The following TMIGD3 variants were observed in gnomAD, a reference collection of about 807,000 sequenced individuals.
TMIGD3 encodes transmembrane and immunoglobulin domain containing 3.
In TMIGD3, 21 loss-of-function variants were observed where a neutral mutation model predicts 28.1. That is an observed-to-expected ratio of 0.75 (90% CI 0.53 to 1.08). TMIGD3 has a LOEUF of 1.08. TMIGD3 is among the 50% of genes least tolerant of loss of function. TMIGD3 has a pLI of 0.00. For missense variants in TMIGD3, 416 were observed against 435.6 expected (o/e 0.96, Z 0.40); for synonymous variants, 151 against 162.1 (o/e 0.93, Z 0.52).
rs1386496033 is a variant in TMIGD3 at position 111,489,041 on chromosome 1, A to G, written c.458-17T>C. ...CCATGGCATCTGTGAAAACACACAC[A>G]CACACGCACACGTGCACACACACAC... On this transcript the variant is annotated splice_polypyrimidine_tract_variant and intron_variant, in intron 2 of 5. Transcript: ENST00000369716. 33 of 1,472,514 alleles carry G rather than the reference A, an allele frequency of 2.2e-5. No individual in the cohort carries two copies. The highest frequency in any genetic ancestry group is 4.0e-5 in the South Asian group (3 of 75,398). 91.2% of individuals were successfully genotyped at this position (1,472,514 alleles called of 1,614,324 possible). A position where few individuals can be genotyped will look rare whatever the true frequency, so the allele number is the denominator to read the frequency against.
chr1:111,531,506 A>G (rs1031707118), intron 1 of TMIGD3, among the ~76,000 whole-genome samples: 1 of 152,126 alleles, frequency 6.6e-6, no homozygotes, highest in Non-Finnish European at 1.5e-5. Context: ...CTTCTTGAAC[A>G]CATAAAATAC....
chr1:111,483,645 G>T lies in TMIGD3; in HGVS notation c.*42C>A. The T allele has an allele frequency of 6.8e-7, 1 of 1,469,140 alleles. No individual in the cohort carries two copies. The highest frequency in any genetic ancestry group is 9.5e-7 in the Non-Finnish European group (1 of 1,050,386). The allele number at this position is 1,469,140 out of a possible 1,614,324, so 91.0% of individuals were successfully genotyped here. ...GGCCAGTTGTCATGGTGATTATTCT[G>T]TTGTAGCATCACTTTATGAACTAAA... is the stretch of plus-strand genomic sequence containing the variant. On this transcript the variant is annotated 3_prime_UTR_variant, in exon 6 of 6. Coordinates refer to ENST00000369716, the MANE Select transcript of TMIGD3 (RefSeq NM_020683.7).
intron 1 of TMIGD3, among the ~76,000 whole-genome samples, chr1:111,508,727 A>C (rs1346809823): frequency 6.6e-6 from 1 of 152,186 alleles, no homozygotes; most frequent in Middle Eastern, 3.2e-3. Context: ...CTCCTCCCAC[A>C]ATCAACTTTA....
intron 1 of TMIGD3, chr1:111,542,292 A>G: frequency 1.9e-6 from 1 of 538,570 alleles, no homozygotes; most frequent in Non-Finnish European, 3.5e-6. Flanking sequence ...GCCGGTTCGA[A>G]CACACGCGAC....
At chr1:111,528,111 C>G (rs1656333322) in intron 1 of TMIGD3, among the ~76,000 whole-genome samples, 1 of 151,906 alleles carries the variant, frequency 6.6e-6, no homozygotes, top group Non-Finnish European at 1.5e-5. Flanking sequence ...CCTGCATTAC[C>G]TTCTAGGAGT....
chr1:111,489,233 G>A (rs1654538938), intron 2 of TMIGD3, among the ~76,000 whole-genome samples: 1 of 152,198 alleles, frequency 6.6e-6, no homozygotes, highest in Non-Finnish European at 1.5e-5. Flanking sequence ...ACCCCAGAAT[G>A]TGACTGTATT....
Position 111,503,311 on chromosome 1 carries a change from T to C in TMIGD3, c.44A>G (p.Tyr15Cys), listed in dbSNP as rs1655350556. Residue 15 changes from tyrosine to cysteine, a missense_variant, in exon 1 of 6, where the codon TAC becomes TGC. By Grantham distance (194) the Tyr-to-Cys change is radical. Transcript: ENST00000369716. Reference protein sequence around the residue: ...STALSLANVTYITMEIFIGLC... With the variant: ...STALSLANVTCITMEIFIGLC... ...TCCAATGAAAATTTCCATGGTGATG[T>C]AGGTAACATTGGCCAATGACAGAGC... The C allele has an allele frequency of 6.2e-7, 1 of 1,613,930 alleles. No individual in the cohort carries two copies. The highest frequency in any genetic ancestry group is 1.7e-5 in the Admixed American group (1 of 59,990).
chr1:111,489,052 C>A (rs373346212), intron 2 of TMIGD3, 28 bp from the exon 3 acceptor site: 9 of 1,536,750 alleles, frequency 5.9e-6, no homozygotes, highest in Non-Finnish European at 7.2e-6. Context: ...CACACGCACA[C>A]GTGCACACAC....
At chr1:111,544,057 T>G (rs1321284084) in intron 1 of TMIGD3, among the ~76,000 whole-genome samples, 1 of 152,234 alleles carries the variant, frequency 6.6e-6, no homozygotes, top group African/African-American at 2.4e-5. Context: ...GCCTTCAGTT[T>G]GAAGCATTTG....
At chr1:111,549,679 C>A (rs1657183156) in intron 1 of TMIGD3, among the ~76,000 whole-genome samples, 2 of 151,394 alleles carry the variant, frequency 1.3e-5, no homozygotes, top group Admixed American at 6.6e-5. Flanking sequence ...CAAGATCTCT[C>A]TCTCTGTCAC....
At chr1:111,492,045 C>A (rs1394158819) in intron 1 of TMIGD3, among the ~76,000 whole-genome samples, 1 of 152,156 alleles carries the variant, frequency 6.6e-6, no homozygotes, top group African/African-American at 2.4e-5. Flanking sequence ...CAACTTCCAC[C>A]CTAGTCTCTC....
chr1:111,542,381 T>C (rs1362735987), intron 1 of TMIGD3: 10 of 233,086 alleles, frequency 4.3e-5, no homozygotes, highest in Non-Finnish European at 9.1e-6. Context: ...TGAGAGGTGG[T>C]AGAGCAGGAA....
At chr1:111,514,283 A>G (rs900207257) in intron 1 of TMIGD3, among the ~76,000 whole-genome samples, 5 of 152,100 alleles carry the variant, frequency 3.3e-5, no homozygotes, top group African/African-American at 1.2e-4. Context: ...GGCAGCTCAC[A>G]CCTGTGATCC....
chr1:111,523,822 A>G (rs1656159879), intron 1 of TMIGD3, among the ~76,000 whole-genome samples: 1 of 151,774 alleles, frequency 6.6e-6, no homozygotes, highest in Non-Finnish European at 1.5e-5. Context: ...TTAATTCTTG[A>G]TATTATTAAT....
At position 111,563,804 on chromosome 1, in the gene TMIGD3, A is replaced by G. The variant is rs538325589; in HGVS notation, c.107+42T>C. ...TGGTCAGTATGCAGACTCAGACCCC[A>G]ACCTCTGCCTCCCAGCAGCTATATT... On this transcript the variant is annotated intron_variant, in intron 1 of 5. Coordinates refer to the TMIGD3 transcript ENST00000369717. 33 of 1,533,354 alleles carry G rather than the reference A, an allele frequency of 2.2e-5. 2 individuals are homozygous for G. In the South Asian group the frequency reaches 3.5e-4, roughly 16 times the overall value. The allele number at this position is 1,533,354 out of a possible 1,614,324, so 95.0% of individuals were successfully genotyped here. A position where few individuals can be genotyped will look rare whatever the true frequency, so the allele number is the denominator to read the frequency against.
intron 3 of TMIGD3, among the ~76,000 whole-genome samples, chr1:111,486,954 C>T (rs1366525303): frequency 2.0e-5 from 3 of 152,310 alleles, no homozygotes; most frequent in Middle Eastern, 3.4e-3. Flanking sequence ...AAAGGCCCCA[C>T]GTAGACTAGA....
chr1:111,504,702 G>A (rs2100987348), upstream of TMIGD3, among the ~76,000 whole-genome samples: 1 of 152,306 alleles, frequency 6.6e-6, no homozygotes, highest in East Asian at 1.9e-4. Flanking sequence ...TGGCGTTCTG[G>A]TGTTTACTAA....
At chr1:111,521,655 A>G (rs1478543659) in intron 1 of TMIGD3, among the ~76,000 whole-genome samples, 3 of 152,170 alleles carry the variant, frequency 2.0e-5, no homozygotes, top group Non-Finnish European at 4.4e-5. Flanking sequence ...AATTCTTTGT[A>G]TATTTTAGTT....
Position 111,491,327 on chromosome 1 carries a change from C to A in TMIGD3, c.351-565G>T, listed in dbSNP as rs1365407202. 2.6e-5 allele frequency among the ~76,000 whole-genome samples: 4 copies of A among 152,230 alleles called. No homozygotes were observed. In the East Asian group the frequency reaches 7.7e-4, roughly 29 times the overall value. Reference sequence around the variant, plus strand: ...AGTTTGGGCTGCGGTCTTCAGACTTCCTGAAAGCTTTCCTGAGAAGAGCTG... The same window carrying A: ...AGTTTGGGCTGCGGTCTTCAGACTTACTGAAAGCTTTCCTGAGAAGAGCTG... On this transcript the variant is annotated intron_variant, in intron 1 of 5. Transcript: ENST00000369716.
Sources: gnomAD v4.1 joint callset for allele counts (sites outside exome capture counted in the v4.1 genomes callset) on GRCh38, gnomAD v4.1.1 for gene constraint, MANE v1.5 for transcripts, NCBI Gene and HGNC (gene_info 2026-07-23, HGNC 2026-07-21) for gene names.